Variants in SYBU observed in about 807,000 individuals in gnomAD.
The protein encoded by SYBU is GOLSYN A protein.
In SYBU, 21 loss-of-function variants were observed where a neutral mutation model predicts 35.9. The observed-to-expected ratio is 0.58, with a 90% CI of 0.41 to 0.84. The LOEUF (loss-of-function observed/expected upper bound fraction) is 0.84, where lower values mean the gene tolerates loss of function less well. Among genes scored for constraint, SYBU ranks in the 40% least tolerant of loss-of-function variants. The pLI is 0.00. For missense variants in SYBU, 768 were observed against 848.2 expected (o/e 0.91, Z 1.17); for synonymous variants, 319 against 324.3 (o/e 0.98, Z 0.18).
chr8:109,624,287 A>T (rs1292099113), intron 2 of SYBU, among the ~76,000 whole-genome samples: 1 of 152,232 alleles, frequency 6.6e-6, no homozygotes, highest in African/African-American at 2.4e-5. Flanking sequence ...ACAATTCTTT[A>T]TATTGAAAAT....
At chr8:109,620,741 G>C (rs952172023) in intron 2 of SYBU, among the ~76,000 whole-genome samples, 13 of 152,184 alleles carry the variant, frequency 8.5e-5, no homozygotes, top group African/African-American at 3.1e-4. Context: ...CTGAATAACA[G>C]GGTGATGAGA....
At chr8:109,577,352 A>G in intron 6 of SYBU, among the ~76,000 whole-genome samples, 1 of 151,950 alleles carries the variant, frequency 6.6e-6, no homozygotes, top group Middle Eastern at 3.2e-3. Flanking sequence ...AAGATCTCTT[A>G]AGCATGGGCT....
At chr8:109,596,875 T>C (rs1167885297) in intron 3 of SYBU, among the ~76,000 whole-genome samples, 1 of 152,208 alleles carries the variant, frequency 6.6e-6, no homozygotes, top group East Asian at 1.9e-4. Flanking sequence ...TAATAATGTA[T>C]TCCATAGGCA....
chr8:109,642,981 C>T lies in SYBU; in HGVS notation c.25-49G>A, dbSNP rs370075615. 30 of 1,452,850 alleles carry T rather than the reference C, an allele frequency of 2.1e-5. No homozygotes were observed. In the East Asian group the frequency reaches 2.8e-4, roughly 14 times the overall value. The allele number at this position is 1,452,850 out of a possible 1,614,324, so 90.0% of individuals were successfully genotyped here. The stretch of plus-strand genomic sequence containing the variant: ...AAAACAAAAGGAAACGCGTTTCCCT[C>T]TCTTAACTCCTGTCGGTTCCTTCAA... On this transcript the variant is annotated intron_variant, in intron 1 of 6. Coordinates refer to ENST00000276646, the MANE Select transcript of SYBU (RefSeq NM_001099754.2).
chr8:109,652,847 T>C (rs535590751), intron 1 of SYBU, among the ~76,000 whole-genome samples: 1 of 152,368 alleles, frequency 6.6e-6, no homozygotes, highest in South Asian at 2.1e-4. Flanking sequence ...TCCTTTCTTC[T>C]GTTTACCTGC....
chr8:109,608,393 A>T (rs998371997), intron 3 of SYBU, among the ~76,000 whole-genome samples: 1 of 152,216 alleles, frequency 6.6e-6, no homozygotes, highest in African/African-American at 2.4e-5. Context: ...ATTTTATGGC[A>T]AACACAAATT....
chr8:109,643,325 A>G (rs1307514188), intron 1 of SYBU: 3 of 306,508 alleles, frequency 9.8e-6, no homozygotes, highest in Non-Finnish European at 1.4e-5. Flanking sequence ...GATAGCCTTC[A>G]GACTTCCATT....
chr8:109,606,026 C>CAT (rs1426412453), intron 3 of SYBU, among the ~76,000 whole-genome samples: 1 of 152,094 alleles, frequency 6.6e-6, no homozygotes. Context: ...CATACATACA[C>CAT]ATATATATAG....
At position 109,578,154 on chromosome 8, in the gene SYBU, C is replaced by T. The variant is rs1055858003; in HGVS notation, c.735-137G>A. On this transcript the variant is annotated intron_variant, in intron 5 of 6. Transcript: ENST00000276646. Reference sequence around the variant, plus strand: ...TGTTGAACTTCTTACCCCAATATGACGGTATTAGGTGGTGACGACTTTGGG... The same window carrying T: ...TGTTGAACTTCTTACCCCAATATGATGGTATTAGGTGGTGACGACTTTGGG... 103 of 974,516 alleles carry T rather than the reference C, an allele frequency of 1.1e-4. 1 individual carries two copies. The highest frequency in any genetic ancestry group is 2.7e-4 in the South Asian group (15 of 55,254). 60.4% of individuals were successfully genotyped at this position (974,516 alleles called of 1,614,324 possible).
At chr8:109,638,485 ACAGGTTGACTTTATGC>A (rs150930587) in intron 2 of SYBU, among the ~76,000 whole-genome samples, 3,794 of 152,292 alleles carry the variant, frequency 0.025, 122 homozygotes, top group African/African-American at 0.074. Context: ...GGGAGAAAAG[ACAGGTTGACTTTATGC>A]CAAAACGCTG....
In SYBU at chr8:109,668,165, G is replaced by GGAGAGAGAGAGAGAGAGA. The variant is rs60330422; in HGVS notation, c.-129+12528_-129+12545dup. 4.2e-4 allele frequency among the ~76,000 whole-genome samples: 37 copies of GGAGAGAGAGAGAGAGAGA among 89,026 alleles called. 3 individuals are homozygous for GGAGAGAGAGAGAGAGAGA. Among genetic ancestry groups the GGAGAGAGAGAGAGAGAGA allele is most frequent in the Middle Eastern group, 0.011 (1 of 90 alleles). 58.4% of individuals were successfully genotyped at this position (89,026 alleles called of 152,430 possible). On this transcript the variant is annotated intron_variant, in intron 1 of 5. Transcript: ENST00000408889. ...GAAGAAGAGGCAGAGGGGGAGAGGG[G>GGAGAGAGAGAGAGAGAGA]GAGAGAGAGAGAGAGAGAGAGAGAG...
At chr8:109,662,186 A>C (rs1446557145) in intron 1 of SYBU, among the ~76,000 whole-genome samples, 1 of 152,158 alleles carries the variant, frequency 6.6e-6, no homozygotes, top group Non-Finnish European at 1.5e-5. Context: ...CTCAGCTGTG[A>C]CTTTGGAAAA....
intron 2 of SYBU, among the ~76,000 whole-genome samples, chr8:109,621,242 G>A (rs1478725597): frequency 2.6e-5 from 4 of 152,230 alleles, no homozygotes; most frequent in Admixed American, 6.5e-5. Context: ...GAGAAAGAAT[G>A]TGTGCACACC....
At chr8:109,658,818 G>C (rs895172585) in intron 1 of SYBU, among the ~76,000 whole-genome samples, 2 of 152,162 alleles carry the variant, frequency 1.3e-5, no homozygotes, top group Non-Finnish European at 2.9e-5. Context: ...GCTGGGCGTG[G>C]TGGCGCACGC....
chr8:109,650,179 G>A (rs889157116), intron 1 of SYBU, among the ~76,000 whole-genome samples: 3 of 152,142 alleles, frequency 2.0e-5, no homozygotes, highest in Admixed American at 2.0e-4. Context: ...GGTTCACTCA[G>A]CATCCATAGC....
intron 2 of SYBU, among the ~76,000 whole-genome samples, chr8:109,633,078 G>A (rs762746597): frequency 6.6e-6 from 1 of 152,192 alleles, no homozygotes; most frequent in Non-Finnish European, 1.5e-5. Flanking sequence ...ATATAAATGT[G>A]ATTAGCTCCG....
rs1280963193 is a variant in SYBU at position 109,575,255 on chromosome 8, G to T, written c.1643C>A (p.Pro548Gln). 1.2e-6 allele frequency: 2 copies of T among 1,614,200 alleles called. No homozygotes were observed. Among genetic ancestry groups the T allele is most frequent in the Non-Finnish European group, 1.7e-6 (2 of 1,180,032 alleles). ...ALVVDLTPRN[P>Q]NSAILLSPVE... ...GGGAGACAAAAGGATGGCTGAGTTT[G>T]GATTTCTTGGAGTTAAATCAACCAC... Residue 548 changes from proline to glutamine, a missense_variant, in exon 7 of 7, where the codon CCA becomes CAA. By Grantham distance (76) the Pro-to-Gln change is moderately conservative. Coordinates refer to ENST00000276646, the MANE Select transcript of SYBU (RefSeq NM_001099754.2).
chr8:109,640,241 T>C (rs1191803066), intron 2 of SYBU, among the ~76,000 whole-genome samples: 1 of 152,182 alleles, frequency 6.6e-6, no homozygotes, highest in Non-Finnish European at 1.5e-5. Flanking sequence ...ACAGGTCTCC[T>C]AGGAAGGAGG....
At chr8:109,627,159 G>GC (rs1586874653) in intron 2 of SYBU, among the ~76,000 whole-genome samples, 1 of 151,974 alleles carries the variant, frequency 6.6e-6, no homozygotes, top group Admixed American at 6.6e-5. Context: ...TTGTGGGGGG[G>GC]AAGTTATTGC....
Sources: allele counts gnomAD v4.1 joint callset (sites outside exome capture counted in the v4.1 genomes callset), GRCh38; gene constraint gnomAD v4.1.1; transcripts MANE v1.5; gene names NCBI Gene and HGNC (gene_info 2026-07-23, HGNC 2026-07-21).